Variants in SPECC1 observed in about 807,000 individuals in gnomAD.
The protein encoded by SPECC1 is cytospin-B.
A neutral mutation model predicts 104.1 loss-of-function variants in SPECC1; 62 were observed. The ratio of observed to expected loss-of-function variants is 0.60; its 90% confidence interval spans 0.49 to 0.74. The LOEUF (loss-of-function observed/expected upper bound fraction) is 0.74, where lower values mean the gene tolerates loss of function less well. Among genes scored for constraint, SPECC1 ranks in the 30% least tolerant of loss-of-function variants. The pLI is 0.00. For synonymous variants in SPECC1, 513 were observed against 501.6 expected, an observed-to-expected ratio of 1.02 and a Z score of -0.30; for missense variants, 1,306 against 1,310.5, an observed-to-expected ratio of 1.00 and a Z score of 0.05.
At chr17:20,053,036 A>G (rs142156181) in intron 1 of SPECC1, among the ~76,000 whole-genome samples, 172 of 152,304 alleles carry the variant, frequency 1.1e-3, no homozygotes, top group African/African-American at 4.0e-3. Flanking sequence ...TGGGTAAGGG[A>G]TTCTGCCAAG....
rs900173851 is a variant in SPECC1 at position 20,041,598 on chromosome 17, C to T, written c.-22+32174C>T. On this transcript the variant is annotated intron_variant, in intron 1 of 14. Coordinates refer to ENST00000395527, the MANE Select transcript of SPECC1 (RefSeq NM_001243439.2). ...ATTTTTTTTTCATTTGTTTCAAGCA[C>T]GTTTGTAGTTGTTTGTTGAGGCTTT... Among the ~76,000 whole-genome samples, 20 of 130,070 alleles carry T rather than the reference C, an allele frequency of 1.5e-4. 1 individual carries two copies. Among genetic ancestry groups the T allele is most frequent in the Non-Finnish European group, 2.8e-4 (17 of 60,458 alleles). 85.3% of individuals were successfully genotyped at this position (130,070 alleles called of 152,430 possible).
At chr17:20,016,004 G>A (rs895431750) in intron 1 of SPECC1, among the ~76,000 whole-genome samples, 1 of 150,698 alleles carries the variant, frequency 6.6e-6, no homozygotes, top group African/African-American at 2.4e-5. Context: ...GAGGTCAGGA[G>A]ATTGAGACCA....
rs570943763 is a variant in SPECC1, at chr17:20,201,706, A to T, written c.284-2627A>T. On this transcript the variant is annotated intron_variant, in intron 3 of 14. Coordinates refer to ENST00000395527, the MANE Select transcript of SPECC1 (RefSeq NM_001243439.2). ...AACATTTTAGTGCTTAGTGGTTTTT[A>T]ATACTTATTTCACAAGAATAATTAA... is the stretch of plus-strand genomic sequence containing the variant. Among the ~76,000 whole-genome samples, 3 of 152,324 alleles carry T rather than the reference A, an allele frequency of 2.0e-5. No homozygotes were observed. The East Asian group carries it at 5.8e-4, about 29-fold the overall frequency.
At chr17:20,194,508 T>TTTA (rs2151297393) in intron 3 of SPECC1, among the ~76,000 whole-genome samples, 1 of 118,310 alleles carries the variant, frequency 8.5e-6, no homozygotes, top group Non-Finnish European at 1.7e-5. Context: ...ACGAATTTTT[T>TTTA]TTTTTTTTTT....
At chr17:20,269,100 G>A (rs1418193101) in intron 12 of SPECC1, among the ~76,000 whole-genome samples, 1 of 152,176 alleles carries the variant, frequency 6.6e-6, no homozygotes, top group Non-Finnish European at 1.5e-5. Flanking sequence ...ATAAAACTGA[G>A]AAAGATTACT....
chr17:20,152,624 A>C (rs2032111370), intron 3 of SPECC1, among the ~76,000 whole-genome samples: 2 of 152,232 alleles, frequency 1.3e-5, no homozygotes, highest in East Asian at 3.9e-4. Flanking sequence ...TAACAGAAAG[A>C]GAGAGAGAGA....
intron 1 of SPECC1, among the ~76,000 whole-genome samples, chr17:20,050,087 G>T (rs1036738969): frequency 6.6e-6 from 1 of 152,150 alleles, no homozygotes; most frequent in Non-Finnish European, 1.5e-5. Flanking sequence ...AAAGTGCTGG[G>T]ATTACAGGTG....
At position 20,051,071 on chromosome 17, in the gene SPECC1, T is replaced by TCTTCCTTC. The variant is rs1555597673; in HGVS notation, c.-22+41650_-22+41651insCCTTCCTT. 5.0e-4 allele frequency among the ~76,000 whole-genome samples: 19 copies of TCTTCCTTC among 38,162 alleles called. 1 individual carries two copies. Among genetic ancestry groups the TCTTCCTTC allele is most frequent in the African/African-American group, 1.6e-3 (18 of 11,216 alleles). The allele number at this position is 38,162 out of a possible 152,430, so 25.0% of individuals were successfully genotyped here. On this transcript the variant is annotated intron_variant, in intron 1 of 14. Transcript: ENST00000395527. ...GGTTCTTTCTTTCTTTCTTTCTTTT[T>TCTTCCTTC]CTTTCTTTCTTTCTTTCTTTCTTTC...
At chr17:20,278,177 C>G (rs2040638315) in intron 12 of SPECC1, among the ~76,000 whole-genome samples, 1 of 152,200 alleles carries the variant, frequency 6.6e-6, no homozygotes, top group South Asian at 2.1e-4. Flanking sequence ...CTCCCCTCCC[C>G]ACCCTCACCA....
intron 3 of SPECC1, among the ~76,000 whole-genome samples, chr17:20,143,247 G>A (rs971786950): frequency 1.3e-5 from 2 of 150,080 alleles, no homozygotes; most frequent in South Asian, 2.1e-4. Flanking sequence ...TTAGCCAACC[G>A]TGGTGGTACG....
chr17:20,297,089 C>T lies in SPECC1; in HGVS notation c.3057+12C>T. On this transcript the variant is annotated intron_variant, in intron 13 of 14. Coordinates refer to ENST00000395527, the MANE Select transcript of SPECC1 (RefSeq NM_001243439.2). ...ATAGTCAGGAGAAAGTAAGTCATGG[C>T]CCTGTCACCTTGGTTATCCTCTAAG... The T allele has an allele frequency of 6.2e-7, 1 of 1,607,632 alleles. No individual in the cohort carries two copies. Among genetic ancestry groups the T allele is most frequent in the East Asian group, 2.2e-5 (1 of 44,826 alleles).
chr17:20,202,464 A>T (rs1429200394), intron 3 of SPECC1, among the ~76,000 whole-genome samples: 1 of 152,236 alleles, frequency 6.6e-6, no homozygotes, highest in Non-Finnish European at 1.5e-5. Flanking sequence ...CCCTGACAGC[A>T]TTGAATTGCT....
intron 1 of SPECC1, among the ~76,000 whole-genome samples, chr17:20,030,980 G>T (rs932000076): frequency 1.3e-5 from 2 of 151,888 alleles, no homozygotes; most frequent in African/African-American, 2.4e-5. Flanking sequence ...ATTATTTTTT[G>T]GTTTTGCTTT....
At chr17:20,140,350 C>A (rs912344850) in intron 3 of SPECC1, among the ~76,000 whole-genome samples, 1 of 151,910 alleles carries the variant, frequency 6.6e-6, no homozygotes, top group African/African-American at 2.4e-5. Flanking sequence ...TGAGAAAGAA[C>A]GAAAATACTT....
chr17:20,145,982 C>A (rs1253609004), intron 3 of SPECC1, among the ~76,000 whole-genome samples: 3 of 152,110 alleles, frequency 2.0e-5, no homozygotes, highest in Non-Finnish European at 4.4e-5. Flanking sequence ...CATATATACC[C>A]CCTCACCATC....
At chr17:20,182,165 G>A (rs1339980608) in intron 3 of SPECC1, among the ~76,000 whole-genome samples, 1 of 143,348 alleles carries the variant, frequency 7.0e-6, no homozygotes, top group East Asian at 2.0e-4. Context: ...CCAGGCTGGA[G>A]TGCAGTGGCA....
At chr17:20,121,371 G>T (rs2542886) in intron 3 of SPECC1, among the ~76,000 whole-genome samples, 43,330 of 109,578 alleles carry the variant, frequency 0.4, 7,060 homozygotes, top group East Asian at 0.77. Context: ...TCTTTTTTTT[G>T]TTGTTGTTGT....
At chr17:20,251,893 C>A (rs1039801743) in intron 9 of SPECC1, among the ~76,000 whole-genome samples, 1 of 152,072 alleles carries the variant, frequency 6.6e-6, no homozygotes, top group African/African-American at 2.4e-5. Flanking sequence ...AATTAAGTAA[C>A]CCAGAGTCTC....
At chr17:20,275,913 A>T (rs1455287159) in intron 12 of SPECC1, among the ~76,000 whole-genome samples, 1 of 151,656 alleles carries the variant, frequency 6.6e-6, no homozygotes, top group Non-Finnish European at 1.5e-5. Flanking sequence ...CTGAGAGATT[A>T]TGTTCCAGAT....
Sources: allele counts gnomAD v4.1 joint callset (sites outside exome capture counted in the v4.1 genomes callset), GRCh38; gene constraint gnomAD v4.1.1; transcripts MANE v1.5; gene names NCBI Gene and HGNC (gene_info 2026-07-23, HGNC 2026-07-21).